SRPK2: variants seen among roughly 807,000 people sequenced by gnomAD.
The protein encoded by SRPK2 is SRSF protein kinase 2.
Under a neutral mutation model 90.8 loss-of-function variants are expected in SRPK2, and 21 were observed. That is an observed-to-expected ratio of 0.23 (90% CI 0.16 to 0.33). The LOEUF (loss-of-function observed/expected upper bound fraction) is 0.33, where lower values mean the gene tolerates loss of function less well. Among genes scored for constraint, SRPK2 ranks in the 10% least tolerant of loss-of-function variants. The pLI, the probability that SRPK2 is intolerant of heterozygous loss-of-function variation, is 1.00. For synonymous variants in SRPK2, 288 were observed against 311.1 expected (o/e 0.93, Z 0.78); for missense variants, 620 against 869.0 (o/e 0.71, Z 3.60).
chr7:105,176,709 ATGTGTGTGTG>A (rs34930111), intron 3 of SRPK2, among the ~76,000 whole-genome samples: 1 of 127,436 alleles, frequency 7.8e-6, no homozygotes, highest in African/African-American at 2.9e-5. Context: ...ATGTATGTGT[ATGTGTGTGTG>A]TGTGTGTATG....
At chr7:105,187,687 A>T (rs1793765907) in intron 3 of SRPK2, among the ~76,000 whole-genome samples, 1 of 152,190 alleles carries the variant, frequency 6.6e-6, no homozygotes, top group Admixed American at 6.5e-5. Flanking sequence ...CACAGGCAAA[A>T]TTACTATTGT....
chr7:105,317,818 C>T (rs1379426791), intron 2 of SRPK2, among the ~76,000 whole-genome samples: 1 of 152,144 alleles, frequency 6.6e-6, no homozygotes, highest in Non-Finnish European at 1.5e-5. Flanking sequence ...GGCTGGAGTG[C>T]AGTCACTGTA....
intron 2 of SRPK2, among the ~76,000 whole-genome samples, chr7:105,339,789 G>A (rs903265034): frequency 2.0e-5 from 3 of 152,178 alleles, no homozygotes; most frequent in Non-Finnish European, 2.9e-5. Context: ...GGCCAGGAGC[G>A]GTGGCTCACG....
chr7:105,240,889 T>C (rs887779168), intron 2 of SRPK2, among the ~76,000 whole-genome samples: 7 of 152,188 alleles, frequency 4.6e-5, no homozygotes, highest in African/African-American at 1.7e-4. Context: ...GTAACCTTTG[T>C]CAGTACTATG....
At chr7:105,186,708 T>A (rs1219937379) in intron 3 of SRPK2, among the ~76,000 whole-genome samples, 1 of 152,166 alleles carries the variant, frequency 6.6e-6, no homozygotes, top group Non-Finnish European at 1.5e-5. Flanking sequence ...GATGTGCTTC[T>A]AACCAAAAAG....
chr7:105,381,470 A>AAAAAC (rs920057473), intron 2 of SRPK2, among the ~76,000 whole-genome samples: 24 of 152,212 alleles, frequency 1.6e-4, no homozygotes, highest in African/African-American at 5.1e-4. Flanking sequence ...TCCATCTCGA[A>AAAAAC]AAAACAAAAC....
At chr7:105,338,117 A>AC (rs1319519813) in intron 2 of SRPK2, among the ~76,000 whole-genome samples, 1 of 152,042 alleles carries the variant, frequency 6.6e-6, no homozygotes, top group Non-Finnish European at 1.5e-5. Context: ...AACTCCTAGA[A>AC]CCAAAACCCT....
chr7:105,301,684 C>G (rs1477009802), intron 2 of SRPK2: 1 of 1,611,412 alleles, frequency 6.2e-7, no homozygotes, highest in African/African-American at 1.3e-5. Flanking sequence ...AGAAACATAT[C>G]CCCAAACACC....
intron 2 of SRPK2, among the ~76,000 whole-genome samples, chr7:105,213,653 T>C (rs1032759145): frequency 1.3e-5 from 2 of 152,156 alleles, no homozygotes; most frequent in Non-Finnish European, 2.9e-5. Flanking sequence ...TAGGATAAGA[T>C]ATACATATAA....
chr7:105,338,904 T>C (rs911416445), intron 2 of SRPK2, among the ~76,000 whole-genome samples: 10 of 152,148 alleles, frequency 6.6e-5, no homozygotes, highest in Admixed American at 2.0e-4. Flanking sequence ...TTCTAACCTG[T>C]TTGGGGTGTT....
At chr7:105,360,366 T>A (rs899366739) in intron 2 of SRPK2, among the ~76,000 whole-genome samples, 2 of 152,226 alleles carry the variant, frequency 1.3e-5, no homozygotes, top group African/African-American at 2.4e-5. Flanking sequence ...AATTGGGACA[T>A]TTAGCCCATT....
intron 2 of SRPK2, among the ~76,000 whole-genome samples, chr7:105,230,492 A>G (rs941488817): frequency 3.9e-5 from 6 of 152,194 alleles, no homozygotes; most frequent in African/African-American, 1.4e-4. Context: ...CTTTAGAAAG[A>G]TTACTCCAGC....
At chr7:105,260,606 C>T (rs959293602) in intron 2 of SRPK2, among the ~76,000 whole-genome samples, 4 of 152,152 alleles carry the variant, frequency 2.6e-5, no homozygotes, top group African/African-American at 9.7e-5. Flanking sequence ...TGGCACTATT[C>T]ACAATAGCAA....
chr7:105,173,773 CT>C (rs1307087514), intron 3 of SRPK2, among the ~76,000 whole-genome samples: 1 of 152,180 alleles, frequency 6.6e-6, no homozygotes. Flanking sequence ...GCTATGGACC[CT>C]GCTAATAGCA....
At chr7:105,314,659 C>T (rs1812112780) in intron 2 of SRPK2, among the ~76,000 whole-genome samples, 1 of 152,198 alleles carries the variant, frequency 6.6e-6, no homozygotes, top group Non-Finnish European at 1.5e-5. Context: ...GCTGGGATTG[C>T]AGGCGTTAGC....
intron 1 of SRPK2, 36 bp downstream of exon 1, chr7:105,388,755 G>A (rs368962825): frequency 6.5e-6 from 10 of 1,538,162 alleles, no homozygotes; most frequent in Non-Finnish European, 7.9e-6. Context: ...CGGGCTGGCC[G>A]CGTGGCGGGG....
intron 2 of SRPK2, among the ~76,000 whole-genome samples, chr7:105,343,186 A>G (rs1816031311): frequency 6.6e-6 from 1 of 152,176 alleles, no homozygotes; most frequent in African/African-American, 2.4e-5. Context: ...AAAACCCAGC[A>G]ATTAGGGAGG....
chr7:105,182,916 T>C (rs552143337), intron 3 of SRPK2, among the ~76,000 whole-genome samples: 39 of 152,054 alleles, frequency 2.6e-4, no homozygotes, highest in African/African-American at 9.4e-4. Context: ...CGAAGACAAC[T>C]GTATAGGGGA....
At chr7:105,278,313 T>A (rs1359728420) in intron 2 of SRPK2, among the ~76,000 whole-genome samples, 19 of 82,802 alleles carry the variant, frequency 2.3e-4, no homozygotes, top group African/African-American at 6.5e-4. Context: ...AGATTCTGTC[T>A]CAAAAAAAAA....
Sources: gnomAD v4.1 joint callset for allele counts (sites outside exome capture counted in the v4.1 genomes callset) on GRCh38, gnomAD v4.1.1 for gene constraint, MANE v1.5 for transcripts, NCBI Gene and HGNC (gene_info 2026-07-23, HGNC 2026-07-21) for gene names.